The following VDAC1 variants were observed in gnomAD, a reference collection of about 807,000 sequenced individuals.
VDAC1 encodes non-selective voltage-gated ion channel VDAC1.
In VDAC1, 10 loss-of-function variants were observed where a neutral mutation model predicts 34.7. The observed-to-expected ratio is 0.29, with a 90% CI of 0.18 to 0.49. The LOEUF is 0.49. VDAC1 is among the 20% of genes least tolerant of loss of function. The pLI, the probability that VDAC1 is intolerant of heterozygous loss-of-function variation, is 0.99. For missense variants in VDAC1, 230 were observed against 347.9 expected (o/e 0.66, Z 2.69); for synonymous variants, 130 against 136.0 (o/e 0.96, Z 0.30).
upstream of VDAC1, among the ~76,000 whole-genome samples, chr5:134,006,669 G>A (rs1753757239): frequency 2.0e-5 from 3 of 150,482 alleles, no homozygotes; most frequent in African/African-American, 4.9e-5. Flanking sequence ...CTTGAACTTG[G>A]AAGGAGGAGG....
At chr5:134,110,486 A>C in the VDAC1 span, among the ~76,000 whole-genome samples, 5 of 152,206 alleles carry the variant, frequency 3.3e-5, no homozygotes, top group Non-Finnish European at 7.3e-5. Context: ...ACACACATGG[A>C]CACACACGCC....
At chr5:134,097,843 A>G in the VDAC1 span, among the ~76,000 whole-genome samples, 1 of 152,020 alleles carries the variant, frequency 6.6e-6, no homozygotes, top group African/African-American at 2.4e-5. Context: ...TCTTGCCAAC[A>G]CAAGGATTCC....
At chr5:134,055,588 G>GTTTTTTTTTTTTTTTTTTTTTTTTT in the VDAC1 span, among the ~76,000 whole-genome samples, 9 of 59,616 alleles carry the variant, frequency 1.5e-4, 2 homozygotes, top group South Asian at 1.0e-3. Context: ...CCCCGCTAAT[G>GTTTTTTTTTTTTTTTTTTTTTTTTT]TTTTTTTTTT....
At chr5:134,067,081 C>CTT in the VDAC1 span, among the ~76,000 whole-genome samples, 3 of 136,754 alleles carry the variant, frequency 2.2e-5, no homozygotes, top group Non-Finnish European at 3.2e-5. Flanking sequence ...ATCAAAAGTT[C>CTT]TTTTTTTTTT....
chr5:134,105,647 GA>G, the VDAC1 span, among the ~76,000 whole-genome samples: 808 of 152,354 alleles, frequency 5.3e-3, 9 homozygotes, highest in African/African-American at 0.019. Context: ...GGACAAAACA[GA>G]AAATGAGAGT....
the VDAC1 span, among the ~76,000 whole-genome samples, chr5:134,072,572 GAC>G: frequency 6.6e-6 from 1 of 152,228 alleles, no homozygotes; most frequent in African/African-American, 2.4e-5. Context: ...ACTGCAGGGT[GAC>G]ACAGCTCTGC....
At chr5:133,982,543 T>C (rs532881302) in intron 5 of VDAC1, among the ~76,000 whole-genome samples, 40 of 149,252 alleles carry the variant, frequency 2.7e-4, no homozygotes, top group African/African-American at 9.6e-4. Flanking sequence ...ATAATAACGC[T>C]CAAATCACAT....
chr5:134,076,642 T>C, the VDAC1 span, among the ~76,000 whole-genome samples: 2 of 152,152 alleles, frequency 1.3e-5, no homozygotes, highest in Non-Finnish European at 2.9e-5. Flanking sequence ...TGGCTGACAG[T>C]TCTTATACCA....
chr5:133,985,800 G>A (rs980410682), intron 5 of VDAC1, among the ~76,000 whole-genome samples: 2 of 152,232 alleles, frequency 1.3e-5, no homozygotes, highest in Admixed American at 6.5e-5. Context: ...AAAGGGAAAA[G>A]GAAATATAAA....
chr5:134,008,015 G>C (rs569462874), upstream of VDAC1, among the ~76,000 whole-genome samples: 94 of 152,276 alleles, frequency 6.2e-4, no homozygotes, highest in Admixed American at 1.1e-3. Context: ...CTTTTGGTCA[G>C]CAAGCTTTCA....
the VDAC1 span, among the ~76,000 whole-genome samples, chr5:134,017,570 A>G: frequency 3.3e-5 from 5 of 152,190 alleles, no homozygotes; most frequent in African/African-American, 9.6e-5. Context: ...AGTGCCTGCC[A>G]TATCTTAGGT....
At chr5:134,056,173 A>G in the VDAC1 span, among the ~76,000 whole-genome samples, 2,050 of 149,396 alleles carry the variant, frequency 0.014, 59 homozygotes, top group African/African-American at 0.047. Flanking sequence ...CCGGGGAGGC[A>G]GAGGTTGCAG....
the VDAC1 span, among the ~76,000 whole-genome samples, chr5:134,079,740 G>C: frequency 6.6e-6 from 1 of 152,252 alleles, no homozygotes; most frequent in East Asian, 1.9e-4. Context: ...TCCCAGGTGA[G>C]TTGCTGCCCC....
chr5:134,093,943 C>T, the VDAC1 span, among the ~76,000 whole-genome samples: 97 of 152,164 alleles, frequency 6.4e-4, 7 homozygotes, highest in Non-Finnish European at 2.9e-5. Context: ...TTTGAATGTC[C>T]CCCAGCTGTG....
upstream of VDAC1, among the ~76,000 whole-genome samples, chr5:134,009,906 C>T (rs1753805802): frequency 6.6e-6 from 1 of 152,124 alleles, no homozygotes; most frequent in Non-Finnish European, 1.5e-5. Context: ...GTCTCAAACT[C>T]CTAACCTGAA....
chr5:134,110,673 C>A, the VDAC1 span, among the ~76,000 whole-genome samples: 2 of 152,254 alleles, frequency 1.3e-5, no homozygotes, highest in African/African-American at 4.8e-5. Flanking sequence ...CAAGCCCCAA[C>A]AGGATGCCAG....
chr5:134,038,015 T>C, the VDAC1 span, among the ~76,000 whole-genome samples: 1,702 of 152,300 alleles, frequency 0.011, 14 homozygotes, highest in Non-Finnish European at 0.017. Context: ...AGAATGCTTA[T>C]TAAATAATGT....
At chr5:133,992,182 G>T in intron 3 of VDAC1, 124 bp downstream of exon 3, 1 of 599,466 alleles carries the variant, frequency 1.7e-6, no homozygotes, top group Non-Finnish European at 2.4e-6. Context: ...GTTGTGGTGA[G>T]CTGAGATCAC....
chr5:134,060,719 G>T, the VDAC1 span, among the ~76,000 whole-genome samples: 241 of 151,542 alleles, frequency 1.6e-3, 7 homozygotes, highest in Middle Eastern at 0.01. Context: ...AGTTGTAAGG[G>T]TCATGAGGCT....
Sources: gnomAD v4.1 joint callset for allele counts (sites outside exome capture counted in the v4.1 genomes callset) on GRCh38, gnomAD v4.1.1 for gene constraint, MANE v1.5 for transcripts, NCBI Gene and HGNC (gene_info 2026-07-23, HGNC 2026-07-21) for gene names.